PAN3: variants seen among roughly 807,000 people sequenced by gnomAD.
PAN3 encodes the protein poly(A) specific ribonuclease subunit PAN3.
PAN3 carries 19 observed loss-of-function variants against 96.2 expected under a neutral mutation model. The ratio of observed to expected loss-of-function variants is 0.20; its 90% CI spans 0.14 to 0.29. The LOEUF (loss-of-function observed/expected upper bound fraction) is 0.29. Among genes scored for constraint, PAN3 ranks in the 10% least tolerant of loss-of-function variants. The probability of loss-of-function intolerance (pLI) is 1.00; values close to 1 mark genes in which losing one functional copy is unlikely to be tolerated. For missense variants in PAN3, 882 were observed against 1,108.1 expected (o/e 0.80, Z 2.90); for synonymous variants, 433 against 406.6 (o/e 1.06, Z -0.78).
rs878952583 is a variant in PAN3, at chr13:28,260,608, A to AG, written c.1353+61dup. The AG allele has an allele frequency of 5.1e-5, 69 of 1,359,732 alleles. No homozygotes were observed. In the South Asian group the frequency reaches 7.5e-4, roughly 15 times the overall value. The allele number at this position is 1,359,732 out of a possible 1,614,324, so 84.2% of individuals were successfully genotyped here. On this transcript the variant is annotated intron_variant, in intron 8 of 18. Coordinates refer to ENST00000380958, the MANE Select transcript of PAN3 (RefSeq NM_175854.8). ...TAATGTCTCCTGTGCTTTAGTGAAC[A>AG]GGGGAAAGAACAGAGCTCTTTTCAA...
chr13:28,251,606 A>G (rs543349481), intron 6 of PAN3, among the ~76,000 whole-genome samples: 2 of 152,142 alleles, frequency 1.3e-5, no homozygotes, highest in South Asian at 2.1e-4. Flanking sequence ...CTTTTTCTCC[A>G]TTGCTCTTCG....
chr13:28,265,562 ATTG>A (rs1033611088), intron 9 of PAN3, among the ~76,000 whole-genome samples: 1 of 152,190 alleles, frequency 6.6e-6, no homozygotes, highest in Non-Finnish European at 1.5e-5. Flanking sequence ...ACCTCATGGA[ATTG>A]TTGTGAGAAT....
At chr13:28,201,709 CT>C (rs1262515149) in intron 5 of PAN3, among the ~76,000 whole-genome samples, 24 of 152,230 alleles carry the variant, frequency 1.6e-4, no homozygotes, top group African/African-American at 5.5e-4. Context: ...TGTCTTTGTA[CT>C]TTTAACTCTT....
At chr13:28,267,633 C>A (rs1003553236) in intron 12 of PAN3, among the ~76,000 whole-genome samples, 2 of 152,084 alleles carry the variant, frequency 1.3e-5, no homozygotes, top group African/African-American at 4.8e-5. Context: ...CTTGGGAGGT[C>A]TCACAATCAT....
intron 1 of PAN3, among the ~76,000 whole-genome samples, chr13:28,150,023 A>C (rs1053891317): frequency 9.9e-5 from 15 of 152,156 alleles, no homozygotes; most frequent in Admixed American, 9.2e-4. Context: ...TCTTTATTTT[A>C]ACTTTCTTAT....
chr13:28,224,002 G>A (rs993285699), intron 6 of PAN3, among the ~76,000 whole-genome samples: 1 of 150,438 alleles, frequency 6.6e-6, no homozygotes, highest in African/African-American at 2.4e-5. Context: ...GCGAGTAGCT[G>A]GGACTACAGG....
At chr13:28,196,355 T>C (rs958682808) in intron 4 of PAN3, among the ~76,000 whole-genome samples, 1 of 152,208 alleles carries the variant, frequency 6.6e-6, no homozygotes, top group Non-Finnish European at 1.5e-5. Context: ...GCAAATTTGC[T>C]GTAATTAAGA....
intron 6 of PAN3, among the ~76,000 whole-genome samples, chr13:28,252,589 T>C (rs1373668699): frequency 6.6e-6 from 1 of 152,182 alleles, no homozygotes; most frequent in African/African-American, 2.4e-5. Context: ...CATTCCTGTG[T>C]TGTTCCTTAC....
At chr13:28,157,719 C>G (rs774667705) in intron 1 of PAN3, among the ~76,000 whole-genome samples, 4 of 152,038 alleles carry the variant, frequency 2.6e-5, no homozygotes, top group Non-Finnish European at 2.9e-5. Context: ...GACACAAATG[C>G]AAAAACATTC....
intron 7 of PAN3, among the ~76,000 whole-genome samples, chr13:28,257,787 A>G (rs1181922018): frequency 7.2e-6 from 1 of 139,618 alleles, no homozygotes; most frequent in Non-Finnish European, 1.5e-5. Context: ...ATTATATATA[A>G]TATATAATTA....
At chr13:28,262,664 C>T (rs1030630911) in intron 9 of PAN3, among the ~76,000 whole-genome samples, 2 of 152,022 alleles carry the variant, frequency 1.3e-5, no homozygotes, top group African/African-American at 2.4e-5. Flanking sequence ...GAAAATAAAC[C>T]TACCATCTAT....
intron 4 of PAN3, among the ~76,000 whole-genome samples, chr13:28,194,944 C>T (rs1296710715): frequency 6.6e-6 from 1 of 151,902 alleles, no homozygotes; most frequent in African/African-American, 2.4e-5. Context: ...AACGTGGTTC[C>T]ATGGCATGAA....
intron 4 of PAN3, among the ~76,000 whole-genome samples, chr13:28,192,501 ACTACATACTTCCATCTCATATTTTCCTAT>A (rs1877423227): frequency 6.6e-6 from 1 of 152,206 alleles, no homozygotes; most frequent in Non-Finnish European, 1.5e-5. Flanking sequence ...CCTAACCTAT[ACTACATACTTCCATCTCATATTTTCCTAT>A]CTAGGCACAT....
intron 6 of PAN3, 103 bp from the exon 7 acceptor site, chr13:28,256,189 A>G (rs1885121697): frequency 7.9e-7 from 1 of 1,259,630 alleles, no homozygotes; most frequent in African/African-American, 1.5e-5. Context: ...TACGATCCCA[A>G]AGATGATGTT....
At chr13:28,285,984 CAA>C (rs1384337110) in intron 17 of PAN3, among the ~76,000 whole-genome samples, 1 of 151,972 alleles carries the variant, frequency 6.6e-6, no homozygotes, top group Non-Finnish European at 1.5e-5. Context: ...TGTTTTGTAA[CAA>C]AAGATTTCTG....
chr13:28,143,856 G>A (rs1308098523), intron 1 of PAN3, among the ~76,000 whole-genome samples: 2 of 152,176 alleles, frequency 1.3e-5, no homozygotes, highest in African/African-American at 4.8e-5. Context: ...GTTAGCTTTG[G>A]AATATGTAAT....
intron 6 of PAN3, among the ~76,000 whole-genome samples, chr13:28,221,236 A>T (rs906467684): frequency 3.9e-5 from 6 of 152,312 alleles, no homozygotes; most frequent in African/African-American, 1.4e-4. Flanking sequence ...CATTGAATTC[A>T]TAGTAAGTGC....
chr13:28,268,381 G>A (rs1211056246), intron 12 of PAN3, among the ~76,000 whole-genome samples: 1 of 151,924 alleles, frequency 6.6e-6, no homozygotes, highest in Non-Finnish European at 1.5e-5. Flanking sequence ...TTTGAAGGTT[G>A]GATTCCATGT....
chr13:28,259,263 G>A (rs1371358052), intron 7 of PAN3, among the ~76,000 whole-genome samples: 3 of 151,702 alleles, frequency 2.0e-5, no homozygotes, highest in East Asian at 1.9e-4. Context: ...GAGTAGCTGG[G>A]ATTATAGGTG....
Sources: allele counts gnomAD v4.1 joint callset (sites outside exome capture counted in the v4.1 genomes callset), GRCh38; gene constraint gnomAD v4.1.1; transcripts MANE v1.5; gene names NCBI Gene and HGNC (gene_info 2026-07-23, HGNC 2026-07-21).